Variants in MSN observed in about 807,000 individuals in gnomAD.
MSN encodes epididymis luminal protein 70.
A neutral mutation model predicts 48.0 loss-of-function variants in MSN; 2 were observed. The ratio of observed to expected loss-of-function variants is 0.04; its 90% CI spans 0.02 to 0.13. MSN has a LOEUF of 0.13. Among genes scored for constraint, MSN ranks in the 10% least tolerant of loss-of-function variants. The pLI, the probability that MSN is intolerant of heterozygous loss-of-function variation, is 1.00. For missense variants in MSN, 267 were observed against 470.1 expected (o/e 0.57, Z 3.99); for synonymous variants, 146 against 166.9 (o/e 0.87, Z 0.97).
At chrX:65,723,357 T>C (rs1241363757) in intron 2 of MSN, among the ~76,000 whole-genome samples, 1 of 111,718 alleles carries the variant, frequency 9.0e-6, no homozygotes, top group Non-Finnish European at 1.9e-5. Context: ...CTACCTATTA[T>C]CTCCCCCTAC....
At chrX:65,730,804 A>G (rs780749858) in intron 4 of MSN, among the ~76,000 whole-genome samples, 3 of 111,408 alleles carry the variant, frequency 2.7e-5, no homozygotes, top group Non-Finnish European at 5.7e-5. Context: ...CAAACTCCTG[A>G]CACATTACTG....
chrX:65,656,147 T>C (rs1306737332), intron 1 of MSN, among the ~76,000 whole-genome samples: 1 of 112,018 alleles, frequency 8.9e-6, no homozygotes, highest in Non-Finnish European at 1.9e-5. Context: ...TGATGGACAT[T>C]TATGTTGTTT....
At chrX:65,683,274 G>T (rs979275783) in intron 1 of MSN, among the ~76,000 whole-genome samples, 5 of 111,299 alleles carry the variant, frequency 4.5e-5, no homozygotes, top group Admixed American at 9.6e-5. Flanking sequence ...TGGCCCCTGT[G>T]CTGAGGCCTA....
At position 65,741,215 on chromosome X, in the gene MSN, A is replaced by G. The variant is rs954690998; in HGVS notation, c.*1322A>G. ...CTGGCCTAGTCCCTTCCACACCCCC[A>G]CCCCTTGCTCTCAACCCAGGAGCAT... On this transcript the variant is annotated 3_prime_UTR_variant, in exon 13 of 13. Transcript: ENST00000360270. 6.0e-6 allele frequency: 1 copy of G among 165,952 alleles called. No homozygotes were observed. Among genetic ancestry groups the G allele is most frequent in the East Asian group, 8.6e-5 (1 of 11,654 alleles). 13.7% of individuals were successfully genotyped at this position (165,952 alleles called of 1,213,427 possible). A position where few individuals can be genotyped will look rare whatever the true frequency, so the allele number is the denominator to read the frequency against.
chrX:65,656,368 G>C (rs1438825002), intron 1 of MSN, among the ~76,000 whole-genome samples: 2 of 109,382 alleles, frequency 1.8e-5, no homozygotes, highest in African/African-American at 6.7e-5. Context: ...TGTTCCATTA[G>C]TCTTGTCTCC....
At chrX:65,722,668 C>T (rs1023749922) in intron 2 of MSN, among the ~76,000 whole-genome samples, 3 of 110,683 alleles carry the variant, frequency 2.7e-5, no homozygotes, top group Admixed American at 1.9e-4. Flanking sequence ...ATCTGCCCCG[C>T]CCCAGCCTCC....
rs992480627 is a variant in MSN, at chrX:65,618,013, G to A, written c.-22+29401G>A. Among the ~76,000 whole-genome samples the A allele has an allele frequency of 5.6e-4, 61 of 109,036 alleles. 1 individual carries two copies. The highest frequency in any genetic ancestry group is 2.8e-4 in the East Asian group (1 of 3,509). 94.7% of individuals were successfully genotyped at this position (109,036 alleles called of 115,157 possible). A position where few individuals can be genotyped will look rare whatever the true frequency, so the allele number is the denominator to read the frequency against. ...TTGTTCAGTTTCCATGTAGTTGAGC[G>A]GTATTGAGTGAGATTCTTAATCCTG... On this transcript the variant is annotated intron_variant, in intron 1 of 3. Coordinates refer to the MSN transcript ENST00000609672.
intron 2 of MSN, among the ~76,000 whole-genome samples, chrX:65,727,510 T>G (rs931290302): frequency 8.9e-6 from 1 of 112,028 alleles, no homozygotes; most frequent in Non-Finnish European, 1.9e-5. Flanking sequence ...ATCTATAAAA[T>G]GGGCCTAATT....
chrX:65,718,523 GTAT>G (rs2147501477), intron 2 of MSN, among the ~76,000 whole-genome samples: 1 of 111,943 alleles, frequency 8.9e-6, no homozygotes, highest in South Asian at 3.7e-4. Context: ...TGTGCTTCTT[GTAT>G]TATTAATTGA....
intron 11 of MSN, 64 bp downstream of exon 11, chrX:65,738,681 C>T (rs2071705181): frequency 2.0e-6 from 2 of 1,006,513 alleles, no homozygotes; most frequent in East Asian, 6.6e-5. Context: ...GGTAACAGCT[C>T]CTTAGATTCC....
chrX:65,592,073 G>T (rs1160253873), intron 1 of MSN, among the ~76,000 whole-genome samples: 1 of 109,487 alleles, frequency 9.1e-6, no homozygotes, highest in African/African-American at 3.3e-5. Flanking sequence ...TACTGCTCCT[G>T]GGACAAATGC....
rs767882449 is a variant in MSN, at chrX:65,652,414, C to A, written c.-22+63802C>A. Among the ~76,000 whole-genome samples, 4 of 111,538 alleles carry A rather than the reference C, an allele frequency of 3.6e-5. No individual in the cohort carries two copies. In the East Asian group the frequency reaches 1.1e-3, roughly 32 times the overall value. Reference sequence around the variant, plus strand: ...GCCTTTAGGAGCTTTTGTTGGAGATCCAGAACCCATGTCACAGGAAGAGTA... The same window carrying A: ...GCCTTTAGGAGCTTTTGTTGGAGATACAGAACCCATGTCACAGGAAGAGTA... On this transcript the variant is annotated intron_variant, in intron 1 of 3. Transcript: ENST00000609672.
At chrX:65,682,813 T>C (rs1018145465) in intron 1 of MSN, among the ~76,000 whole-genome samples, 3 of 112,500 alleles carry the variant, frequency 2.7e-5, no homozygotes, top group African/African-American at 9.7e-5. Context: ...ATCTACCAGA[T>C]AGCCAAACAA....
In MSN at chrX:65,739,847, G is replaced by A; in HGVS notation, c.1688G>A (p.Arg563Gln). Residue 563 changes from arginine to glutamine, a missense_variant, in exon 13 of 13, where the codon CGG becomes CAG. Coordinates refer to ENST00000360270, the MANE Select transcript of MSN (RefSeq NM_002444.3). Reference sequence around the variant, plus strand: ...AAATACAAGACCCTGCGCCAGATCCGGCAGGGCAACACCAAGCAGCGCATT... The same window carrying A: ...AAATACAAGACCCTGCGCCAGATCCAGCAGGGCAACACCAAGCAGCGCATT... ...RDKYKTLRQI[R>Q]QGNTKQRIDE... 8.3e-7 allele frequency: 1 copy of A among 1,210,386 alleles called. No homozygotes were observed. The highest frequency in any genetic ancestry group is 1.1e-6 in the Non-Finnish European group (1 of 894,939).
intron 1 of MSN, among the ~76,000 whole-genome samples, chrX:65,602,871 C>T (rs1022730606): frequency 1.8e-5 from 2 of 111,794 alleles, no homozygotes; most frequent in African/African-American, 6.5e-5. Context: ...CTCCTTTATG[C>T]CATCTGAAAC....
At chrX:65,638,103 C>T (rs1569456903) in intron 1 of MSN, among the ~76,000 whole-genome samples, 1 of 112,377 alleles carries the variant, frequency 8.9e-6, no homozygotes. Context: ...TAAAATTCAA[C>T]AGGTGATAAC....
intron 1 of MSN, among the ~76,000 whole-genome samples, chrX:65,638,514 A>T (rs2070623523): frequency 8.9e-6 from 1 of 112,675 alleles, no homozygotes; most frequent in Non-Finnish European, 1.9e-5. Flanking sequence ...GGCATTTAGC[A>T]GGAGCAGCTG....
chrX:65,617,034 G>A (rs1235038490), intron 1 of MSN, among the ~76,000 whole-genome samples: 3 of 108,323 alleles, frequency 2.8e-5, no homozygotes, highest in Non-Finnish European at 5.7e-5. Flanking sequence ...TATTGAACCA[G>A]CCTTGCCTCC....
At chrX:65,714,479 G>A (rs570926960) in intron 1 of MSN, among the ~76,000 whole-genome samples, 1 of 111,253 alleles carries the variant, frequency 9.0e-6, no homozygotes, top group African/African-American at 3.3e-5. Context: ...ACTAGCATCT[G>A]TTATTATTTT....
Sources: gnomAD v4.1 joint callset for allele counts (sites outside exome capture counted in the v4.1 genomes callset) on GRCh38, gnomAD v4.1.1 for gene constraint, MANE v1.5 for transcripts, NCBI Gene and HGNC (gene_info 2026-07-23, HGNC 2026-07-21) for gene names.